MCPH1: variants seen among roughly 807,000 people sequenced by gnomAD.
MCPH1 encodes the protein microcephalin 1.
In MCPH1, 104 loss-of-function variants were observed where a neutral mutation model predicts 84.5. The ratio of observed to expected loss-of-function variants is 1.23; its 90% CI spans 1.05 to 1.45. The LOEUF is 1.45. MCPH1 is among the 40% of genes most tolerant of loss of function. MCPH1 has a pLI of 0.00. For missense variants in MCPH1, 1,498 were observed against 1,005.7 expected, an observed-to-expected ratio of 1.49 and a Z score of -6.62; for synonymous variants, 514 against 366.8, an observed-to-expected ratio of 1.40 and a Z score of -4.58.
intron 10 of MCPH1, among the ~76,000 whole-genome samples, chr8:6,480,217 G>A (rs1321570873): frequency 2.7e-5 from 4 of 150,912 alleles, no homozygotes; most frequent in Non-Finnish European, 2.9e-5. Flanking sequence ...TCCACCTCCC[G>A]GATTCAAGCT....
At chr8:6,526,573 G>C (rs1246289806) in intron 12 of MCPH1, among the ~76,000 whole-genome samples, 1 of 152,094 alleles carries the variant, frequency 6.6e-6, no homozygotes, top group Non-Finnish European at 1.5e-5. Flanking sequence ...AAATCTATTT[G>C]CTTTTCAAAA....
At chr8:6,418,971 C>G (rs908181280) in intron 3 of MCPH1, among the ~76,000 whole-genome samples, 3 of 152,028 alleles carry the variant, frequency 2.0e-5, no homozygotes, top group Non-Finnish European at 4.4e-5. Flanking sequence ...AGATTCAGGT[C>G]TATATTTCTG....
chr8:6,437,525 G>T (rs569736344), intron 5 of MCPH1, among the ~76,000 whole-genome samples: 1 of 152,108 alleles, frequency 6.6e-6, no homozygotes, highest in East Asian at 1.9e-4. Context: ...CACCGCGCCC[G>T]GCCAAGATTT....
At chr8:6,504,006 T>G (rs930600049) in intron 12 of MCPH1, among the ~76,000 whole-genome samples, 1 of 152,120 alleles carries the variant, frequency 6.6e-6, no homozygotes, top group African/African-American at 2.4e-5. Context: ...AAATATTAAA[T>G]GGAAAAATCT....
chr8:6,409,394 A>C (rs374097396), intron 2 of MCPH1, 24 bp downstream of exon 2: 4 of 1,536,696 alleles, frequency 2.6e-6, no homozygotes, highest in Non-Finnish European at 3.6e-6. Flanking sequence ...TTTGCTGTTG[A>C]TTCATATGAC....
intron 12 of MCPH1, chr8:6,502,817 G>A (rs1812449982): frequency 1.7e-5 from 7 of 410,324 alleles, no homozygotes; most frequent in East Asian, 8.8e-5. Context: ...TGACAGCAGC[G>A]TCTGTAAACT....
intron 3 of MCPH1, among the ~76,000 whole-genome samples, chr8:6,419,932 T>C (rs1345648697): frequency 6.6e-6 from 1 of 152,178 alleles, no homozygotes; most frequent in Non-Finnish European, 1.5e-5. Flanking sequence ...AATAGATTTT[T>C]AAAATGGATG....
chr8:6,423,453 C>T (rs1800568617), intron 3 of MCPH1, among the ~76,000 whole-genome samples: 1 of 152,148 alleles, frequency 6.6e-6, no homozygotes, highest in African/African-American at 2.4e-5. Flanking sequence ...GCATGAGCCC[C>T]TGCGCCCGGC....
At chr8:6,466,431 C>T (rs1052685334) in intron 9 of MCPH1, among the ~76,000 whole-genome samples, 2 of 152,034 alleles carry the variant, frequency 1.3e-5, no homozygotes, top group Admixed American at 1.3e-4. Flanking sequence ...CCTCAACCTC[C>T]TGGGTAGCTG....
intron 13 of MCPH1, among the ~76,000 whole-genome samples, chr8:6,631,384 A>C (rs576329400): frequency 1.3e-5 from 2 of 152,352 alleles, no homozygotes; most frequent in Admixed American, 1.3e-4. Context: ...CAACAGAGTG[A>C]AAAGCAATCT....
At position 6,483,745 on chromosome 8, in the gene MCPH1, A is replaced by G. The variant is rs371562861; in HGVS notation, c.2136+2869A>G. Reference sequence around the variant, plus strand: ...CATGGTGGCACCTGCCTGTAATCCCAGCTACTCAGGAGGCTGAGGCACAAG... The same window carrying G: ...CATGGTGGCACCTGCCTGTAATCCCGGCTACTCAGGAGGCTGAGGCACAAG... On this transcript the variant is annotated intron_variant, in intron 11 of 13. Coordinates refer to ENST00000344683, the MANE Select transcript of MCPH1 (RefSeq NM_024596.5). 5.6e-4 allele frequency among the ~76,000 whole-genome samples: 85 copies of G among 152,296 alleles called. 1 individual carries two copies. Among genetic ancestry groups the G allele is most frequent in the African/African-American group, 2.0e-3 (83 of 41,568 alleles).
At chr8:6,481,664 T>G (rs1451598444) in intron 11 of MCPH1, among the ~76,000 whole-genome samples, 1 of 152,236 alleles carries the variant, frequency 6.6e-6, no homozygotes. Flanking sequence ...TTTTCAAGAA[T>G]GGCCGTCGTC....
At chr8:6,591,370 C>T (rs1195689629) in intron 12 of MCPH1, among the ~76,000 whole-genome samples, 1 of 152,186 alleles carries the variant, frequency 6.6e-6, no homozygotes, top group Non-Finnish European at 1.5e-5. Context: ...TCTCATATGG[C>T]ATTTGTAGAC....
intron 12 of MCPH1, among the ~76,000 whole-genome samples, chr8:6,576,778 C>A (rs1315246385): frequency 7.3e-6 from 1 of 137,234 alleles, no homozygotes; most frequent in African/African-American, 2.7e-5. Context: ...GAACTCCTGA[C>A]CTCAGGTGAT....
At chr8:6,474,409 T>C in intron 9 of MCPH1, 1 of 261,912 alleles carries the variant, frequency 3.8e-6, no homozygotes, top group South Asian at 6.3e-5. Context: ...GGGTCAAAAC[T>C]AATTTCATAA....
intron 12 of MCPH1, among the ~76,000 whole-genome samples, chr8:6,512,067 T>C (rs1815244039): frequency 1.3e-5 from 2 of 152,196 alleles, no homozygotes; most frequent in Non-Finnish European, 2.9e-5. Context: ...CAAACACCTA[T>C]CTTCTCATTC....
intron 12 of MCPH1, among the ~76,000 whole-genome samples, chr8:6,525,877 A>G (rs577787905): frequency 2.0e-5 from 3 of 152,328 alleles, no homozygotes; most frequent in East Asian, 3.9e-4. Flanking sequence ...TTGGAAAAAT[A>G]TTTGCAAAGA....
intron 9 of MCPH1, among the ~76,000 whole-genome samples, chr8:6,455,512 C>G (rs548721838): frequency 6.6e-6 from 1 of 152,330 alleles, no homozygotes; most frequent in African/African-American, 2.4e-5. Flanking sequence ...TAGCTTCTCT[C>G]AAGCAGAGAA....
At position 6,445,509 on chromosome 8, in the gene MCPH1, C is replaced by T. The variant is rs1804211294; in HGVS notation, c.1787C>T (p.Thr596Ile). ...FIVDCNMETS[T>I]EEKENLPGGY... is the part of the protein sequence containing the mutation. The stretch of plus-strand genomic sequence containing the variant: ...GTTGACTGTAACATGGAGACGTCTA[C>T]AGAAGAGAAGGAAAACTTACCCGGA... Residue 596 changes from threonine to isoleucine, a missense_variant, in exon 8 of 14, where the codon ACA becomes ATA. Transcript: ENST00000344683. 1.9e-6 allele frequency: 3 copies of T among 1,609,574 alleles called. No individual in the cohort carries two copies. Among genetic ancestry groups the T allele is most frequent in the Non-Finnish European group, 2.5e-6 (3 of 1,178,668 alleles).
Sources: allele counts gnomAD v4.1 joint callset (sites outside exome capture counted in the v4.1 genomes callset), GRCh38; gene constraint gnomAD v4.1.1; transcripts MANE v1.5; gene names NCBI Gene and HGNC (gene_info 2026-07-23, HGNC 2026-07-21).